The following ANK3 variants were observed in gnomAD, a reference collection of about 807,000 sequenced individuals.
ANK3 encodes the protein ankyrin 3.
A neutral mutation model predicts 370.9 loss-of-function variants in ANK3; 57 were observed. The ratio of observed to expected loss-of-function variants is 0.15; its 90% CI spans 0.12 to 0.19. The LOEUF is 0.19. Ranked by LOEUF, ANK3 falls within the 10% of genes least tolerant of loss-of-function variation. The pLI is 1.00. For synonymous variants in ANK3, 1,929 were observed against 1,946.3 expected (o/e 0.99, Z 0.23); for missense variants, 4,439 against 5,302.1 (o/e 0.84, Z 5.06).
At chr10:60,100,151 TC>T (rs2090934622) in intron 28 of ANK3, among the ~76,000 whole-genome samples, 1 of 151,348 alleles carries the variant, frequency 6.6e-6, no homozygotes, top group Non-Finnish European at 1.5e-5. Flanking sequence ...CAGTTTCCTT[TC>T]CTTTCCAACA....
At chr10:60,385,926 TTA>T (rs2062211885) in intron 1 of ANK3, among the ~76,000 whole-genome samples, 1 of 152,150 alleles carries the variant, frequency 6.6e-6, no homozygotes, top group Admixed American at 6.5e-5. Flanking sequence ...GAAACGTATT[TTA>T]TAGTGTATGT....
intron 1 of ANK3, among the ~76,000 whole-genome samples, chr10:60,652,692 G>GC (rs2078805900): frequency 8.2e-5 from 5 of 60,936 alleles, no homozygotes; most frequent in African/African-American, 2.7e-4. Flanking sequence ...CAGGCAAAAT[G>GC]TAAAAAAAAA....
At chr10:60,590,778 A>G (rs2077898424) in intron 2 of ANK3, among the ~76,000 whole-genome samples, 1 of 152,192 alleles carries the variant, frequency 6.6e-6, no homozygotes. Flanking sequence ...TCATCTCTAG[A>G]CTACTTTTAT....
intron 25 of ANK3, among the ~76,000 whole-genome samples, chr10:60,117,465 C>T (rs2093174837): frequency 6.6e-6 from 1 of 152,006 alleles, no homozygotes; most frequent in Non-Finnish European, 1.5e-5. Flanking sequence ...TATTGATATG[C>T]ACAGAGGACA....
Position 60,198,489 on chromosome 10 carries a change from T to C in ANK3, c.1540A>G (p.Ile514Val). ...CCTTGCTGCAACAGCTGTTGTACTATGTCTGCTTTCCCCAGTCGGGCTGAA... is the reference window on the plus strand; with the variant it reads ...CCTTGCTGCAACAGCTGTTGTACTACGTCTGCTTTCCCCAGTCGGGCTGAA... ...HISARLGKAD[I>V]VQQLLQQGAS... The change falls in exon 14 of 44, where the codon ATA becomes GTA. Residue 514 changes from isoleucine (I) to valine (V), a missense_variant. By Grantham distance (29) the Ile-to-Val change is conservative (BLOSUM62 3). This residue lies in a region of ANK3 where 227 missense variants were observed against 377.6 expected (regional missense o/e 0.60). Coordinates refer to ENST00000280772, the MANE Select transcript of ANK3 (RefSeq NM_020987.5). 4 of 1,614,238 alleles carry C rather than the reference T, an allele frequency of 2.5e-6. No individual in the cohort carries two copies. Among genetic ancestry groups the C allele is most frequent in the African/African-American group, 1.3e-5 (1 of 75,064 alleles).
At chr10:60,167,554 ACT>A (rs2095654572) in intron 21 of ANK3, among the ~76,000 whole-genome samples, 1 of 152,154 alleles carries the variant, frequency 6.6e-6, no homozygotes, top group Non-Finnish European at 1.5e-5. Flanking sequence ...CCCAAAAGAC[ACT>A]GTCAGCATCA....
intron 1 of ANK3, among the ~76,000 whole-genome samples, chr10:60,341,871 A>C (rs555643091): frequency 6.6e-6 from 1 of 152,274 alleles, no homozygotes; most frequent in African/African-American, 2.4e-5. Context: ...TTTTGTTATA[A>C]TATCATATTT....
At chr10:60,278,543 T>C (rs1353032274) in intron 4 of ANK3, among the ~76,000 whole-genome samples, 1 of 152,060 alleles carries the variant, frequency 6.6e-6, no homozygotes, top group Non-Finnish European at 1.5e-5. Flanking sequence ...GCTAATTTTT[T>C]TTATTTTTAG....
intron 1 of ANK3, among the ~76,000 whole-genome samples, chr10:60,616,740 T>C (rs2078272773): frequency 6.6e-6 from 1 of 152,190 alleles, no homozygotes; most frequent in Non-Finnish European, 1.5e-5. Context: ...ACAAACTTTT[T>C]TCATGGCACT....
At chr10:60,145,959 G>A in intron 23 of ANK3, 2 of 799,846 alleles carry the variant, frequency 2.5e-6, no homozygotes, top group Non-Finnish European at 2.1e-6. Flanking sequence ...AAAGAGGAGG[G>A]AGACTTACTT....
At chr10:60,673,016 C>G (rs1480837736) in intron 1 of ANK3, among the ~76,000 whole-genome samples, 1 of 143,592 alleles carries the variant, frequency 7.0e-6, no homozygotes, top group East Asian at 2.0e-4. Context: ...TCTGATACAA[C>G]AAGCAATATA....
intron 2 of ANK3, among the ~76,000 whole-genome samples, chr10:60,483,269 A>T (rs922443806): frequency 6.6e-6 from 1 of 152,238 alleles, no homozygotes; most frequent in South Asian, 2.1e-4. Context: ...ATGAAATACC[A>T]TGATTCATAC....
At chr10:60,590,438 A>G (rs1054821261) in intron 2 of ANK3, among the ~76,000 whole-genome samples, 2 of 152,218 alleles carry the variant, frequency 1.3e-5, no homozygotes, top group Non-Finnish European at 2.9e-5. Flanking sequence ...CTATTTGGGA[A>G]CTACTTGAAA....
intron 34 of ANK3, 44 bp from the exon 35 acceptor site, chr10:60,082,220 T>C (rs769395289): frequency 3.9e-6 from 6 of 1,531,036 alleles, no homozygotes; most frequent in Non-Finnish European, 5.4e-6. Context: ...AATATTATAA[T>C]GGACAGCAGG....
intron 1 of ANK3, among the ~76,000 whole-genome samples, chr10:60,698,667 C>T (rs991850459): frequency 6.3e-5 from 9 of 142,968 alleles, no homozygotes; most frequent in African/African-American, 2.3e-4. Context: ...AAACCAAACA[C>T]CGCATATTCT....
chr10:60,104,357 CAAAAAAAAAAAAAAAAAAAAAAAA>C (rs747064489), intron 28 of ANK3, among the ~76,000 whole-genome samples: 1 of 53,726 alleles, frequency 1.9e-5, no homozygotes. Flanking sequence ...GACTCCATCT[CAAAAAAAAAAAAAAAAAAAAAAAA>C]AAAAAAAAAA....
intron 16 of ANK3, among the ~76,000 whole-genome samples, chr10:60,190,977 A>G (rs965690591): frequency 4.6e-5 from 7 of 152,156 alleles, no homozygotes; most frequent in African/African-American, 1.2e-4. Context: ...AAAAACAAAC[A>G]CAGAGAAAAG....
chr10:60,329,945 C>G (rs1228617607), intron 1 of ANK3, among the ~76,000 whole-genome samples: 1 of 152,088 alleles, frequency 6.6e-6, no homozygotes, highest in Admixed American at 6.6e-5. Flanking sequence ...GATATATAGA[C>G]CAATGAAACA....
At chr10:60,216,859 T>C (rs1020892993) in intron 8 of ANK3, among the ~76,000 whole-genome samples, 9 of 152,140 alleles carry the variant, frequency 5.9e-5, no homozygotes, top group Admixed American at 2.6e-4. Context: ...CCTCTTTGTA[T>C]TTCTGATAGA....
Sources: gnomAD v4.1 joint callset for allele counts (sites outside exome capture counted in the v4.1 genomes callset) on GRCh38, gnomAD v4.1.1 for gene constraint, gnomAD v4.1.1 regional missense constraint, MANE v1.5 for transcripts, NCBI Gene and HGNC (gene_info 2026-07-23, HGNC 2026-07-21) for gene names.